QKI: variants seen among roughly 807,000 people sequenced by gnomAD.
QKI encodes QKI, KH domain containing RNA binding.
Under a neutral mutation model 39.0 loss-of-function variants are expected in QKI, and 10 were observed. The ratio of observed to expected loss-of-function variants is 0.26; its 90% CI spans 0.16 to 0.43. The LOEUF is 0.43. Among genes scored for constraint, QKI ranks in the 20% least tolerant of loss-of-function variants. QKI has a pLI of 1.00. For missense variants in QKI, 218 were observed against 428.0 expected (o/e 0.51, Z 4.33); for synonymous variants, 204 against 155.4 (o/e 1.31, Z -2.33).
chr6:163,570,893 G>GTT lies in QKI; in HGVS notation c.*183_*184insTT. The GTT allele has an allele frequency of 3.0e-6, 2 of 669,466 alleles. No homozygotes were observed. The highest frequency in any genetic ancestry group is 2.0e-5 in the African/African-American group (1 of 50,430). 41.5% of individuals were successfully genotyped at this position (669,466 alleles called of 1,614,324 possible). Reference sequence around the variant, plus strand: ...AAAGAAATTGTTGTCCTCCAACTCAGCTTTTTTTTTTTTTTTTTCCTGTTT... The same window carrying GTT: ...AAAGAAATTGTTGTCCTCCAACTCAGTTCTTTTTTTTTTTTTTTTTCCTGTTT... On this transcript the variant is annotated 3_prime_UTR_variant, in exon 8 of 8. Coordinates refer to ENST00000361752, the MANE Select transcript of QKI (RefSeq NM_006775.3).
intron 1 of QKI, among the ~76,000 whole-genome samples, chr6:163,452,685 A>G (rs1274713862): frequency 6.6e-6 from 1 of 152,206 alleles, no homozygotes; most frequent in Non-Finnish European, 1.5e-5. Context: ...TCATCTAACC[A>G]GATAGATGCT....
At chr6:163,517,543 A>G (rs1779910530) in intron 3 of QKI, among the ~76,000 whole-genome samples, 2 of 152,032 alleles carry the variant, frequency 1.3e-5, no homozygotes, top group South Asian at 2.1e-4. Flanking sequence ...TCAGCCTCCA[A>G]AGTAACTGGG....
intron 3 of QKI, among the ~76,000 whole-genome samples, chr6:163,487,971 G>A (rs1160893783): frequency 6.6e-6 from 1 of 151,950 alleles, no homozygotes; most frequent in Non-Finnish European, 1.5e-5. Context: ...CGGAATAAAT[G>A]TTTAATTCTT....
chr6:163,433,640 G>T (rs1032518718), intron 1 of QKI, among the ~76,000 whole-genome samples: 4 of 152,034 alleles, frequency 2.6e-5, no homozygotes, highest in Non-Finnish European at 5.9e-5. Context: ...GGTGGCACGT[G>T]CCTGTAGTCC....
chr6:163,449,192 G>A (rs1040683944), intron 1 of QKI, among the ~76,000 whole-genome samples: 4 of 152,136 alleles, frequency 2.6e-5, no homozygotes, highest in African/African-American at 9.7e-5. Flanking sequence ...GCCTATTTAA[G>A]CTTCAGATGA....
At chr6:163,435,988 C>T (rs1490744904) in intron 1 of QKI, among the ~76,000 whole-genome samples, 1 of 152,026 alleles carries the variant, frequency 6.6e-6, no homozygotes, top group East Asian at 1.9e-4. Flanking sequence ...TAACCAAACC[C>T]TTGATTCAGT....
intron 4 of QKI, among the ~76,000 whole-genome samples, chr6:163,560,341 T>TTTTC (rs1345765676): frequency 2.0e-5 from 3 of 152,190 alleles, no homozygotes; most frequent in Non-Finnish European, 4.4e-5. Flanking sequence ...TGAAACCATG[T>TTTTC]TGAAAGCAGT....
At position 163,573,522 on chromosome 6, in the gene QKI, A is replaced by G. The variant is rs1783817996; in HGVS notation, c.*2812A>G. On this transcript the variant is annotated 3_prime_UTR_variant, in exon 8 of 8. Coordinates refer to ENST00000361752, the MANE Select transcript of QKI (RefSeq NM_006775.3). ...CTATCTTGTTTTATATGTATGTTAT[A>G]TAACATTCAAAAAGAATTTTTTTCT... is the stretch of plus-strand genomic sequence containing the variant. The G allele has an allele frequency of 6.6e-6, 1 of 152,214 alleles. No individual in the cohort carries two copies. Among genetic ancestry groups the G allele is most frequent in the Non-Finnish European group, 1.5e-5 (1 of 68,026 alleles). The allele number at this position is 152,214 out of a possible 1,614,324, so 9.4% of individuals were successfully genotyped here.
At chr6:163,564,047 AT>A in intron 6 of QKI, 1 of 1,128,760 alleles carries the variant, frequency 8.9e-7, no homozygotes, top group Non-Finnish European at 1.1e-6. Flanking sequence ...CGTCACCTCC[AT>A]CAGCTCCACT....
At chr6:163,542,971 A>AGAAG (rs67807422) in intron 4 of QKI, among the ~76,000 whole-genome samples, 1 of 10,282 alleles carries the variant, frequency 9.7e-5, no homozygotes, top group East Asian at 0.5. Context: ...TTAGGATAAT[A>AGAAG]GGCATCTGTT....
At chr6:163,463,609 A>G (rs1791501892) in intron 2 of QKI, among the ~76,000 whole-genome samples, 1 of 152,234 alleles carries the variant, frequency 6.6e-6, no homozygotes, top group Non-Finnish European at 1.5e-5. Context: ...TTCTTTGAGT[A>G]CTGATATAAC....
chr6:163,445,314 G>C (rs1790063403), intron 1 of QKI, among the ~76,000 whole-genome samples: 1 of 151,640 alleles, frequency 6.6e-6, no homozygotes, highest in Non-Finnish European at 1.5e-5. Flanking sequence ...TTCTGGTCCA[G>C]GTTTTCCTAC....
chr6:163,522,640 A>G (rs1780232960), intron 3 of QKI, among the ~76,000 whole-genome samples: 1 of 152,142 alleles, frequency 6.6e-6, no homozygotes. Flanking sequence ...AGTACTGGAT[A>G]AGTGTTTAGC....
At chr6:163,423,080 G>C (rs957417478) in intron 1 of QKI, 1 of 152,234 alleles carries the variant, frequency 6.6e-6, no homozygotes, top group African/African-American at 2.4e-5. Context: ...GGTGGATCAC[G>C]AGGTCAAGAT....
At chr6:163,543,513 C>G (rs973659320) in intron 4 of QKI, among the ~76,000 whole-genome samples, 3 of 152,014 alleles carry the variant, frequency 2.0e-5, no homozygotes, top group Non-Finnish European at 4.4e-5. Flanking sequence ...GGTTTAGCTG[C>G]AGGATAAAAG....
chr6:163,553,068 TTA>T (rs1178904752), intron 4 of QKI, among the ~76,000 whole-genome samples: 455 of 11,614 alleles, frequency 0.039, 1 homozygote, highest in South Asian at 0.079. Context: ...TAATTTTTAT[TTA>T]TTTATTTATT....
At chr6:163,494,195 G>A (rs1027194808) in intron 3 of QKI, among the ~76,000 whole-genome samples, 1 of 152,062 alleles carries the variant, frequency 6.6e-6, no homozygotes, top group African/African-American at 2.4e-5. Context: ...AAAAAATATG[G>A]TACAATGATT....
chr6:163,435,446 C>G (rs1007047248), intron 1 of QKI, among the ~76,000 whole-genome samples: 5 of 152,172 alleles, frequency 3.3e-5, no homozygotes, highest in African/African-American at 1.2e-4. Flanking sequence ...TATAAAGCAA[C>G]TCTTGAGAGA....
rs149564082 is a variant in QKI, at chr6:163,554,535, C to T, written c.547-7447C>T. On this transcript the variant is annotated intron_variant, in intron 4 of 7. Coordinates refer to ENST00000361752, the MANE Select transcript of QKI (RefSeq NM_006775.3). ...GGATAAGTTGGAATAAGTTGATCAACCAGATGAATATTCAGCTGTGTACCT... is the reference window on the plus strand; with the variant it reads ...GGATAAGTTGGAATAAGTTGATCAATCAGATGAATATTCAGCTGTGTACCT... Among the ~76,000 whole-genome samples the T allele has an allele frequency of 3.0e-4, 46 of 152,332 alleles. No homozygotes were observed. The East Asian group carries it at 6.6e-3, about 22-fold the overall frequency.
Sources: allele counts gnomAD v4.1 joint callset (sites outside exome capture counted in the v4.1 genomes callset), GRCh38; gene constraint gnomAD v4.1.1; transcripts MANE v1.5; gene names NCBI Gene and HGNC (gene_info 2026-07-23, HGNC 2026-07-21).